ANO7: variants seen among roughly 807,000 people sequenced by gnomAD.
ANO7 encodes the protein anoctamin 7.
A neutral mutation model predicts 115.8 loss-of-function variants in ANO7; 114 were observed. The ratio of observed to expected loss-of-function variants is 0.98; its 90% CI spans 0.85 to 1.15. ANO7 has a LOEUF of 1.15. Ranked by LOEUF, ANO7 falls within the 50% of genes most tolerant of loss-of-function variation. The pLI, the probability that ANO7 is intolerant of heterozygous loss-of-function variation, is 0.00. For synonymous variants in ANO7, 550 were observed against 498.2 expected (o/e 1.10, Z -1.38); for missense variants, 1,302 against 1,201.2 (o/e 1.08, Z -1.24).
chr2:241,239,232 T>C, the ANO7 span, among the ~76,000 whole-genome samples: 4 of 152,338 alleles, frequency 2.6e-5, no homozygotes, highest in South Asian at 2.1e-4. This position sits in a 1 kb window ranked among gnomAD's most constrained non-coding sequence, Gnocchi z 4.6. Context: ...ATCGATTTTC[T>C]TTCCTTCACA....
At chr2:241,234,384 A>G in the ANO7 span, among the ~76,000 whole-genome samples, 3 of 152,216 alleles carry the variant, frequency 2.0e-5, no homozygotes, top group Admixed American at 6.5e-5. Context: ...ACAGCCCCTG[A>G]ACACCCATGG....
Position 241,209,471 on chromosome 2 carries a change from C to T in ANO7, c.1222-27C>T, listed in dbSNP as rs566850629. ...GACCACGGTCACACCCGGCGAGGGC[C>T]GCCACTGAGCACCGGCTCCCTTCCA... On this transcript the variant is annotated intron_variant, in intron 12 of 24. Transcript: ENST00000674324. The T allele has an allele frequency of 8.4e-5, 134 of 1,599,544 alleles. 1 individual carries two copies. Among genetic ancestry groups the T allele is most frequent in the South Asian group, 4.1e-4 (37 of 89,816 alleles).
rs1351738878 is a variant in ANO7, at chr2:241,203,726, G to A, written c.889+228G>A. Among the ~76,000 whole-genome samples, 2 of 152,088 alleles carry A rather than the reference G, an allele frequency of 1.3e-5. No individual in the cohort carries two copies. The highest frequency in any genetic ancestry group is 3.9e-4 in the East Asian group (2 of 5,170). ...CTGGCCTCCTAATGCTCCAGTAACA[G>A]TGCTGAGAGCCGCTTCTGCTGGTGG... On this transcript the variant is annotated intron_variant, in intron 9 of 24. Transcript: ENST00000674324. This position sits in a 1 kb window ranked among gnomAD's most constrained non-coding sequence, Gnocchi z 4.8.
At chr2:241,228,573 G>A (rs1223968426), downstream of ANO7, 1 of 152,362 alleles carries the variant, frequency 6.6e-6, no homozygotes, top group East Asian at 1.9e-4. Flanking sequence ...TCCAGCTTAG[G>A]TACACGGCGC....
chr2:241,236,533 A>G, the ANO7 span: 34 of 1,444,416 alleles, frequency 2.4e-5, no homozygotes, highest in Admixed American at 3.5e-5. Context: ...GCAACCGTCC[A>G]TCCCATCCAG....
intron 4 of ANO7, among the ~76,000 whole-genome samples, chr2:241,198,871 T>C (rs1431267921): frequency 6.6e-6 from 1 of 152,194 alleles, no homozygotes; most frequent in African/African-American, 2.4e-5. Flanking sequence ...TACACACACA[T>C]ACACACGGAA....
At position 241,190,108 on chromosome 2, in the gene ANO7, C is replaced by G; in HGVS notation, c.45C>G (p.Ile15Met). Residue 15 changes from isoleucine to methionine, a missense_variant, in exon 2 of 25, where the codon ATC becomes ATG. Coordinates refer to ENST00000674324, the MANE Select transcript of ANO7 (RefSeq NM_001370694.2). ...RAQEEDSTVLIDVSPPEAEKR... is the reference protein window; with the variant it reads ...RAQEEDSTVLMDVSPPEAEKR... ...AGGAAGAGGACAGCACCGTCCTGAT[C>G]GATGTGAGCCCCCCTGAGGCAGAGA... 6.3e-7 allele frequency: 1 copy of G among 1,583,544 alleles called. No individual in the cohort carries two copies. The highest frequency in any genetic ancestry group is 8.6e-7 in the Non-Finnish European group (1 of 1,165,276).
intron 11 of ANO7, among the ~76,000 whole-genome samples, chr2:241,208,974 C>A (rs532819445): frequency 2.0e-5 from 3 of 152,112 alleles, no homozygotes; most frequent in African/African-American, 7.2e-5. Context: ...ACGGTGAAAC[C>A]TCGTCTCTAC....
intron 18 of ANO7, among the ~76,000 whole-genome samples, chr2:241,215,349 C>A (rs1171553278): frequency 6.6e-6 from 1 of 152,224 alleles, no homozygotes; most frequent in Non-Finnish European, 1.5e-5. Context: ...CCAGGGACAC[C>A]CTGACCACAA....
At chr2:241,229,699 G>A (rs1410517858), downstream of ANO7, 5 of 1,613,936 alleles carry the variant, frequency 3.1e-6, no homozygotes, top group Non-Finnish European at 3.4e-6. Context: ...TGTGCAGAGA[G>A]AGGACACGGC....
In ANO7 at chr2:241,201,370, C is replaced by A. The variant is rs78154103; in HGVS notation, c.612+15C>A. 1.9e-6 allele frequency: 3 copies of A among 1,609,872 alleles called. No individual in the cohort carries two copies. Among genetic ancestry groups the A allele is most frequent in the East Asian group, 4.5e-5 (2 of 44,710 alleles). ...GGCACCAAATTGTGAGTGGGGGTTC[C>A]CTGCCGCGGGCCCCAAACCCTGACC... On this transcript the variant is annotated intron_variant, in intron 7 of 24. Coordinates refer to ENST00000674324, the MANE Select transcript of ANO7 (RefSeq NM_001370694.2).
At chr2:241,238,669 G>A in the ANO7 span, 1 of 1,579,414 alleles carries the variant, frequency 6.3e-7, no homozygotes, top group Non-Finnish European at 8.7e-7. The surrounding 1 kb of genome is among the most constrained non-coding windows in gnomAD (Gnocchi z 4.9). Context: ...CTCTCTGTCT[G>A]GGAATTTAAT....
chr2:241,197,338 G>C (rs375947839), intron 4 of ANO7, among the ~76,000 whole-genome samples: 1 of 152,278 alleles, frequency 6.6e-6, no homozygotes, highest in South Asian at 2.1e-4. Context: ...GACCTCAGGT[G>C]ATCCACCCGC....
In ANO7 at chr2:241,210,511, T is replaced by G; in HGVS notation, c.1502T>G (p.Val501Gly). 2 of 1,613,996 alleles carry G rather than the reference T, an allele frequency of 1.2e-6. No individual in the cohort carries two copies. Among genetic ancestry groups the G allele is most frequent in the Non-Finnish European group, 1.7e-6 (2 of 1,179,972 alleles). The change falls in exon 15 of 25, where the codon GTC (valine) becomes GGC (glycine). Residue 501 changes from valine to glycine, a missense_variant. Coordinates refer to ENST00000674324, the MANE Select transcript of ANO7 (RefSeq NM_001370694.2). ...CTCACGGGGTCTGTAGTGAACCTCG[T>G]CTTCATCCTCATCCTCTCCAAGATC... is the stretch of plus-strand genomic sequence containing the variant. ...ASLTGSVVNL[V>G]FILILSKIYV...
chr2:241,221,956 C>T (rs142420005), intron 21 of ANO7, among the ~76,000 whole-genome samples: 2,409 of 152,230 alleles, frequency 0.016, 35 homozygotes, highest in Middle Eastern at 0.024. Context: ...CTGGGATGGC[C>T]GGGCGCGGGG....
downstream of ANO7, chr2:241,229,700 A>G (rs1487317838): frequency 6.2e-7 from 1 of 1,613,798 alleles, no homozygotes; most frequent in Non-Finnish European, 8.5e-7. Context: ...GTGCAGAGAG[A>G]GGACACGGCT....
intron 11 of ANO7, 89 bp downstream of exon 11, chr2:241,207,759 C>T: frequency 8.3e-7 from 1 of 1,209,282 alleles, no homozygotes. Flanking sequence ...TCTGCCTGCA[C>T]CAGCCCCTGT....
intron 3 of ANO7, 41 bp downstream of exon 3, chr2:241,191,292 C>G: frequency 6.2e-7 from 1 of 1,610,218 alleles, no homozygotes; most frequent in African/African-American, 1.3e-5. Context: ...CGTGTTGGTC[C>G]TGAGGGTGGG....
chr2:241,205,034 C>T, intron 10 of ANO7, 79 bp downstream of exon 10: 1 of 1,250,628 alleles, frequency 8.0e-7, no homozygotes, highest in East Asian at 2.3e-5. Flanking sequence ...CCCCTAGGTG[C>T]TAGGTCCTGT....
Sources: allele counts gnomAD v4.1 joint callset (sites outside exome capture counted in the v4.1 genomes callset), GRCh38; gene constraint gnomAD v4.1.1; non-coding constraint Gnocchi (gnomAD v3.1); transcripts MANE v1.5; gene names NCBI Gene and HGNC (gene_info 2026-07-23, HGNC 2026-07-21).